The following SH3BP1 variants were observed in gnomAD, a reference collection of about 807,000 sequenced individuals.
SH3BP1 encodes SH3 domain binding protein 1, also known as SH3 domain-binding protein 1.
In SH3BP1, 46 loss-of-function variants were observed where a neutral mutation model predicts 69.8. The ratio of observed to expected loss-of-function variants is 0.66; its 90% confidence interval spans 0.52 to 0.84. The LOEUF (loss-of-function observed/expected upper bound fraction) is 0.84. SH3BP1 is among the 40% of genes least tolerant of loss of function. SH3BP1 has a pLI of 0.00. For synonymous variants in SH3BP1, 403 were observed against 378.0 expected, an observed-to-expected ratio of 1.07 and a Z score of -0.77; for missense variants, 868 against 930.9, an observed-to-expected ratio of 0.93 and a Z score of 0.88.
Position 37,642,338 on chromosome 22 carries a change from G to A in SH3BP1, c.208-201G>A, listed in dbSNP as rs937079414. The A allele has an allele frequency of 3.1e-5, 18 of 581,482 alleles. 1 individual carries two copies. The highest frequency in any genetic ancestry group is 5.6e-5 in the Non-Finnish European group (18 of 323,364). 36.0% of individuals were successfully genotyped at this position (581,482 alleles called of 1,614,324 possible). A position where few individuals can be genotyped will look rare whatever the true frequency, so the allele number is the denominator to read the frequency against. ...CAAGTGGCTTCTGGGAAGAGGAAAG[G>A]GCACGCCAGATGGAGAGGGGCTCCA... On this transcript the variant is annotated intron_variant, in intron 3 of 17. Transcript: ENST00000649765.
At position 37,655,263 on chromosome 22, in the gene SH3BP1, C is replaced by A; in HGVS notation, c.1694-9C>A. On this transcript the variant is annotated splice_polypyrimidine_tract_variant and intron_variant, in intron 17 of 17. Transcript: ENST00000649765. ...ACTCAGCCTCCCTCACCCTTTCCTT[C>A]CTCAACAGCCAAGCGCCCGGCGCCA... is the stretch of plus-strand genomic sequence containing the variant. 6.3e-7 allele frequency: 1 copy of A among 1,582,314 alleles called. No individual in the cohort carries two copies.
chr22:37,652,055 G>A (rs920142417), intron 16 of SH3BP1, among the ~76,000 whole-genome samples: 5 of 152,152 alleles, frequency 3.3e-5, no homozygotes, highest in Admixed American at 1.3e-4. Flanking sequence ...GCCCGGCACG[G>A]TGGCTCACGC....
Position 37,655,772 on chromosome 22 carries a change from C to A in SH3BP1, c.*88C>A. 1 of 1,446,894 alleles carries A rather than the reference C, an allele frequency of 6.9e-7. No homozygotes were observed. The highest frequency in any genetic ancestry group is 9.0e-7 in the Non-Finnish European group (1 of 1,105,090). The allele number at this position is 1,446,894 out of a possible 1,614,324, so 89.6% of individuals were successfully genotyped here. The stretch of plus-strand genomic sequence containing the variant: ...ACAGCTCTCGCCCCCCACAAAGGGG[C>A]ATGGGCCTCCAGCCTTTGCCCACAA... On this transcript the variant is annotated 3_prime_UTR_variant, in exon 18 of 18. Transcript: ENST00000649765.
In SH3BP1 at chr22:37,647,483, G is replaced by A. The variant is rs756792478; in HGVS notation, c.1161G>A (p.Val387=). 6.2e-7 allele frequency: 1 copy of A among 1,608,422 alleles called. No individual in the cohort carries two copies. The highest frequency in any genetic ancestry group is 2.2e-5 in the East Asian group (1 of 44,840). Residue 387 remains valine (V), a synonymous_variant, in exon 13 of 18, where the codon GTG becomes GTA. Transcript: ENST00000649765. ...PGARLQALQE[V]CSRLPPENLS... The stretch of plus-strand genomic sequence containing the variant: ...CCCGGCTGCAGGCCCTCCAAGAGGT[G>A]TGCAGCCGCCTACCCCCCGAGAACC...
intron 17 of SH3BP1, 66 bp downstream of exon 17, chr22:37,653,939 A>T: frequency 1.7e-6 from 2 of 1,171,336 alleles, no homozygotes; most frequent in Non-Finnish European, 2.5e-6. Flanking sequence ...AGGCAGTCCC[A>T]GGTCCTCCTA....
Position 37,650,563 on chromosome 22 carries a change from G to A in SH3BP1, c.1436G>A (p.Gly479Asp). ...CCAGACATCAACTTCAACGTGTCAG[G>A]CCTCTTCTCAGCTGTTACCCTCCAG... ...FPGDINFNVS[G>D]LFSAVTLQDT... Residue 479 changes from glycine (G) to aspartate (D), a missense_variant, in exon 16 of 18, where the codon GGC becomes GAC. Physicochemically the swap from Gly to Asp is moderately conservative, Grantham distance 94. Transcript: ENST00000649765. 1 of 1,612,870 alleles carries A rather than the reference G, an allele frequency of 6.2e-7. No individual in the cohort carries two copies. The highest frequency in any genetic ancestry group is 8.5e-7 in the Non-Finnish European group (1 of 1,179,402).
chr22:37,655,592 G>A lies in SH3BP1; in HGVS notation c.2014G>A (p.Gly672Arg). The change falls in exon 18 of 18, where the codon GGA becomes AGA. Residue 672 changes from glycine (G) to arginine (R), a missense_variant. Around this residue, in one of 3 missense-constraint regions of SH3BP1, gnomAD observed 474 missense variants for 462.3 expected, o/e 1.03. Coordinates refer to ENST00000649765, the MANE Select transcript of SH3BP1 (RefSeq NM_018957.6). ...GGACCTGGGGGCTGCCACAGCAGAGGGAGGAGCCCCTGAGGCTATCAGTGG... is the reference window on the plus strand; with the variant it reads ...GGACCTGGGGGCTGCCACAGCAGAGAGAGGAGCCCCTGAGGCTATCAGTGG... ...QVDLGAATAE[G>R]GAPEAISGVP... is the part of the protein sequence containing the mutation. 1 of 1,590,894 alleles carries A rather than the reference G, an allele frequency of 6.3e-7. No individual in the cohort carries two copies. The highest frequency in any genetic ancestry group is 8.6e-7 in the Non-Finnish European group (1 of 1,169,262).
In SH3BP1 at chr22:37,641,364, T is replaced by G; in HGVS notation, c.103-10T>G. 6.4e-7 allele frequency: 1 copy of G among 1,550,908 alleles called. No homozygotes were observed. Among genetic ancestry groups the G allele is most frequent in the Non-Finnish European group, 8.7e-7 (1 of 1,146,818 alleles). ...TCTCTTGATCCTTAACCTCCATACCTCCTTCCCAGGTAGAACAGCGGCTGG... is the reference window on the plus strand; with the variant it reads ...TCTCTTGATCCTTAACCTCCATACCGCCTTCCCAGGTAGAACAGCGGCTGG... On this transcript the variant is annotated splice_polypyrimidine_tract_variant and intron_variant, in intron 2 of 17. Coordinates refer to ENST00000649765, the MANE Select transcript of SH3BP1 (RefSeq NM_018957.6).
At chr22:37,646,104 C>T (rs1932781922) in intron 10 of SH3BP1, among the ~76,000 whole-genome samples, 1 of 151,236 alleles carries the variant, frequency 6.6e-6, no homozygotes, top group South Asian at 2.1e-4. Flanking sequence ...GTAGCTGGGA[C>T]TACAGGCATG....
intron 11 of SH3BP1, 23 bp from the exon 12 acceptor site, chr22:37,647,244 C>T (rs1406111295): frequency 8.7e-6 from 14 of 1,609,584 alleles, no homozygotes; most frequent in Admixed American, 1.7e-5. Flanking sequence ...CTGCCTCTGA[C>T]CCTCCCCACA....
chr22:37,643,907 C>T (rs1601582492), intron 7 of SH3BP1, 119 bp downstream of exon 7: 1 of 1,189,338 alleles, frequency 8.4e-7, no homozygotes, highest in Middle Eastern at 2.8e-4. Flanking sequence ...GGCCACGTGG[C>T]TAGGAGCCAG....
chr22:37,641,479 G>T lies in SH3BP1; in HGVS notation c.207+1G>T. The T allele has an allele frequency of 6.5e-7, 1 of 1,549,116 alleles. No homozygotes were observed. On this transcript the variant is annotated splice_donor_variant, in intron 3 of 17. Coordinates refer to ENST00000649765, the MANE Select transcript of SH3BP1 (RefSeq NM_018957.6). LOFTEE classifies it high-confidence loss of function. ...CGGGGCAGACATGGACAAGCGGGTGGTGAGTGGGGGGTCCCGGGAAGGAGG... is the reference window on the plus strand; with the variant it reads ...CGGGGCAGACATGGACAAGCGGGTGTTGAGTGGGGGGTCCCGGGAAGGAGG...
In SH3BP1 at chr22:37,642,980, C is replaced by G. The variant is rs769032023; in HGVS notation, c.370C>G (p.Leu124Val). The G allele has an allele frequency of 1.9e-6, 3 of 1,612,940 alleles. No individual in the cohort carries two copies. The South Asian group carries it at 3.3e-5, about 18-fold the overall frequency. Residue 124 changes from leucine to valine, a missense_variant, in exon 5 of 18, where the codon CTG (leucine) becomes GTG (valine). Leu to Val is a conservative substitution (Grantham distance 32). This residue lies in a region of SH3BP1 where 387 missense variants were observed against 447.9 expected (regional missense o/e 0.86). Coordinates refer to ENST00000649765, the MANE Select transcript of SH3BP1 (RefSeq NM_018957.6). ...TGAGATGACCCTGGAGAGGGACGTCCTGCAGCCACTCAGCAGGCTGAGTGA... is the reference window on the plus strand; with the variant it reads ...TGAGATGACCCTGGAGAGGGACGTCGTGCAGCCACTCAGCAGGCTGAGTGA... ...EFEMTLERDV[L>V]QPLSRLSEEE...
Position 37,655,394 on chromosome 22 carries a change from C to A in SH3BP1, c.1816C>A (p.Pro606Thr). 1 of 1,435,524 alleles carries A rather than the reference C, an allele frequency of 7.0e-7. No homozygotes were observed. The highest frequency in any genetic ancestry group is 9.3e-7 in the Non-Finnish European group (1 of 1,074,972). 88.9% of individuals were successfully genotyped at this position (1,435,524 alleles called of 1,614,324 possible). A position where few individuals can be genotyped will look rare whatever the true frequency, so the allele number is the denominator to read the frequency against. The change falls in exon 18 of 18, where the codon CCC becomes ACC. Residue 606 changes from proline (P) to threonine (T), a missense_variant. This residue lies in a region of SH3BP1 where 474 missense variants were observed against 462.3 expected (regional missense o/e 1.03). Transcript: ENST00000649765. ...CAGCCCTGGGACCCCCCAAGCCCTG[C>A]CCCGACGTCTGGTTGGCAGCAGCCT... ...SGSPGTPQALPRRLVGSSLRA... is the reference protein window; with the variant it reads ...SGSPGTPQALTRRLVGSSLRA...
chr22:37,641,121 C>A lies in SH3BP1; in HGVS notation c.60-5C>A. 1.3e-6 allele frequency: 2 copies of A among 1,531,902 alleles called. No individual in the cohort carries two copies. Among genetic ancestry groups the A allele is most frequent in the Non-Finnish European group, 1.8e-6 (2 of 1,133,696 alleles). The allele number at this position is 1,531,902 out of a possible 1,614,324, so 94.9% of individuals were successfully genotyped here. A position where few individuals can be genotyped will look rare whatever the true frequency, so the allele number is the denominator to read the frequency against. The stretch of plus-strand genomic sequence containing the variant: ...TCTCCCCCCCCCCCCCACCACTCCC[C>A]GCAGCACCCCGGAGACCGCTGAGTT... On this transcript the variant is annotated splice_polypyrimidine_tract_variant and splice_region_variant and intron_variant, in intron 1 of 17. Transcript: ENST00000649765.
At chr22:37,649,789 A>C in intron 14 of SH3BP1, 1 of 314,596 alleles carries the variant, frequency 3.2e-6, no homozygotes, top group South Asian at 2.9e-5. Context: ...GTCTCAAAAA[A>C]AAAGAAGAAA....
At position 37,642,939 on chromosome 22, in the gene SH3BP1, G is replaced by A. The variant is rs752231031; in HGVS notation, c.329G>A (p.Arg110His). 7.4e-6 allele frequency: 12 copies of A among 1,612,790 alleles called. No individual in the cohort carries two copies. Among genetic ancestry groups the A allele is most frequent in the South Asian group, 1.1e-5 (1 of 91,076 alleles). ...MSCAIQNQLA[R>H]ILAEFEMTLE... The stretch of plus-strand genomic sequence containing the variant: ...TGTGCCATCCAGAATCAGCTGGCCC[G>A]CATCCTGGCCGAGTTTGAGATGACC... The change falls in exon 5 of 18, where the codon CGC becomes CAC. Residue 110 changes from arginine to histidine, a missense_variant. By Grantham distance (29) the Arg-to-His change is conservative. Transcript: ENST00000649765.
At chr22:37,642,417 C>T (rs2146045348) in intron 3 of SH3BP1, 122 bp from the exon 4 acceptor site, 1 of 857,592 alleles carries the variant, frequency 1.2e-6, no homozygotes, top group Non-Finnish European at 1.9e-6. Flanking sequence ...CTTGTTTCCA[C>T]TCTCATCTGG....
Position 37,653,876 on chromosome 22 carries a change from G to C in SH3BP1, c.1693+3G>C, listed in dbSNP as rs771135702. On this transcript the variant is annotated splice_donor_region_variant and intron_variant, in intron 17 of 17. Coordinates refer to ENST00000649765, the MANE Select transcript of SH3BP1 (RefSeq NM_018957.6). ...AGTGGAGGACATGGCTCGGAGGAGT[G>C]AGTTGGCTGTGGGAGGGGAGGAGGG... The C allele has an allele frequency of 7.7e-6, 11 of 1,427,136 alleles. No individual in the cohort carries two copies. Among genetic ancestry groups the C allele is most frequent in the African/African-American group, 1.4e-5 (1 of 69,794 alleles). The allele number at this position is 1,427,136 out of a possible 1,614,324, so 88.4% of individuals were successfully genotyped here.
Sources: gnomAD v4.1 joint callset for allele counts (sites outside exome capture counted in the v4.1 genomes callset) on GRCh38, gnomAD v4.1.1 for gene constraint, gnomAD v4.1.1 regional missense constraint, MANE v1.5 for transcripts, NCBI Gene and HGNC (gene_info 2026-07-23, HGNC 2026-07-21) for gene names.